TENM2: variants seen among roughly 807,000 people sequenced by gnomAD.
TENM2 encodes teneurin transmembrane protein 2.
Under a neutral mutation model 245.2 loss-of-function variants are expected in TENM2, and 52 were observed. The ratio of observed to expected loss-of-function variants is 0.21; its 90% confidence interval spans 0.17 to 0.27. The LOEUF is 0.27. Ranked by LOEUF, TENM2 falls within the 10% of genes least tolerant of loss-of-function variation. TENM2 has a pLI of 1.00. For missense variants in TENM2, 3,046 were observed against 3,666.8 expected (o/e 0.83, Z 4.37); for synonymous variants, 1,363 against 1,438.9 (o/e 0.95, Z 1.19).
intron 19 of TENM2, among the ~76,000 whole-genome samples, chr5:168,207,907 T>G (rs1762492030): frequency 6.6e-6 from 1 of 152,234 alleles, no homozygotes; most frequent in Non-Finnish European, 1.5e-5. Context: ...GAGCCTTCTC[T>G]TAGGTAAAAT....
intron 19 of TENM2, among the ~76,000 whole-genome samples, chr5:168,210,154 G>A (rs1257564953): frequency 1.3e-5 from 2 of 152,212 alleles, no homozygotes; most frequent in African/African-American, 4.8e-5. Context: ...TGTTATTCTG[G>A]TTTGTTGCCT....
chr5:168,199,250 G>A (rs1761728253), intron 16 of TENM2, 136 bp downstream of exon 18: 3 of 945,310 alleles, frequency 3.2e-6, no homozygotes, highest in East Asian at 2.7e-5. Flanking sequence ...AAAATTTATA[G>A]CCACCAGAGA....
intron 3 of TENM2, among the ~76,000 whole-genome samples, chr5:167,925,048 A>G (rs1777646999): frequency 6.6e-6 from 1 of 152,160 alleles, no homozygotes; most frequent in African/African-American, 2.4e-5. Flanking sequence ...ATAAAAATAT[A>G]TGTTCAACTG....
intron 3 of TENM2, among the ~76,000 whole-genome samples, chr5:167,918,774 CT>C (rs36028538): frequency 0.01 from 1,465 of 140,938 alleles, 10 homozygotes; most frequent in African/African-American, 0.024. Flanking sequence ...TATTTTTCTC[CT>C]TTTTTTTTTT....
chr5:167,483,723 C>G (rs1174630610), intron 2 of TENM2, among the ~76,000 whole-genome samples: 1 of 152,124 alleles, frequency 6.6e-6, no homozygotes, highest in African/African-American at 2.4e-5. Context: ...AATCTTTATT[C>G]TCTCTGGAAT....
chr5:167,975,405 C>T (rs372024250), intron 4 of TENM2, among the ~76,000 whole-genome samples: 7 of 151,196 alleles, frequency 4.6e-5, no homozygotes, highest in South Asian at 4.2e-4. Flanking sequence ...AGTGCCATGG[C>T]GATATTTATG....
chr5:167,397,801 G>A (rs569254065), intron 2 of TENM2, among the ~76,000 whole-genome samples: 3 of 152,142 alleles, frequency 2.0e-5, no homozygotes, highest in Non-Finnish European at 4.4e-5. Context: ...TCTGAAATTC[G>A]CATCAAGAAA....
intron 2 of TENM2, among the ~76,000 whole-genome samples, chr5:167,701,483 T>C (rs1013710530): frequency 5.3e-5 from 8 of 152,118 alleles, no homozygotes; most frequent in Non-Finnish European, 1.2e-4. Context: ...GTATACCTTC[T>C]CACGTTCCAG....
chr5:167,947,509 C>T (rs1318856829), intron 3 of TENM2, among the ~76,000 whole-genome samples: 1 of 152,180 alleles, frequency 6.6e-6, no homozygotes, highest in Non-Finnish European at 1.5e-5. Context: ...CTAGCCTGAA[C>T]ATCTGCAACA....
chr5:168,122,806 A>T (rs1005406255), intron 10 of TENM2, among the ~76,000 whole-genome samples: 1 of 152,078 alleles, frequency 6.6e-6, no homozygotes, highest in Non-Finnish European at 1.5e-5. Context: ...TCCAAATGGG[A>T]TCGTGAGAAA....
intron 2 of TENM2, among the ~76,000 whole-genome samples, chr5:167,736,392 T>G (rs1238459977): frequency 6.6e-6 from 1 of 152,138 alleles, no homozygotes; most frequent in African/African-American, 2.4e-5. Context: ...GAGATATCTA[T>G]CTAGAATTTC....
chr5:167,698,691 T>TTTTTTTTTTTTTG (rs1757944986), intron 2 of TENM2, among the ~76,000 whole-genome samples: 1 of 146,240 alleles, frequency 6.8e-6, no homozygotes, highest in African/African-American at 2.6e-5. Context: ...TTTTTTTTTT[T>TTTTTTTTTTTTTG]TTTTTTTTTT....
chr5:167,523,162 T>C (rs907488561), intron 2 of TENM2, among the ~76,000 whole-genome samples: 2 of 152,182 alleles, frequency 1.3e-5, no homozygotes, highest in African/African-American at 4.8e-5. Context: ...GTTCTTCCTC[T>C]CAAGATTATA....
chr5:168,026,857 A>T (rs918649526), intron 5 of TENM2, among the ~76,000 whole-genome samples: 2 of 152,102 alleles, frequency 1.3e-5, no homozygotes, highest in Non-Finnish European at 2.9e-5. Flanking sequence ...AACCAAACAA[A>T]CCTAGGTTTT....
chr5:167,148,244 G>A, the TENM2 span, among the ~76,000 whole-genome samples: 1 of 152,168 alleles, frequency 6.6e-6, no homozygotes, highest in African/African-American at 2.4e-5. Flanking sequence ...GTATGAAAGA[G>A]CAATTAATGT....
At chr5:167,457,528 G>A (rs1387197805) in intron 2 of TENM2, among the ~76,000 whole-genome samples, 1 of 151,834 alleles carries the variant, frequency 6.6e-6, no homozygotes, top group Non-Finnish European at 1.5e-5. Context: ...TGTATTTTTA[G>A]TAGAGATGGG....
At chr5:167,919,588 C>T (rs1777198633) in intron 3 of TENM2, among the ~76,000 whole-genome samples, 1 of 152,084 alleles carries the variant, frequency 6.6e-6, no homozygotes, top group African/African-American at 2.4e-5. Flanking sequence ...GAACGGGAGG[C>T]GAAGAGGTAA....
chr5:167,523,873 C>T (rs1770931462), intron 2 of TENM2, among the ~76,000 whole-genome samples: 1 of 152,064 alleles, frequency 6.6e-6, no homozygotes, highest in Non-Finnish European at 1.5e-5. Context: ...GAAATATTGC[C>T]TATGTTTCTG....
chr5:167,221,283 TG>T, the TENM2 span, among the ~76,000 whole-genome samples: 1 of 152,156 alleles, frequency 6.6e-6, no homozygotes, highest in South Asian at 2.1e-4. Context: ...GGTAAGCATG[TG>T]GTGAATAAGC....
Sources: gnomAD v4.1 joint callset for allele counts (sites outside exome capture counted in the v4.1 genomes callset) on GRCh38, gnomAD v4.1.1 for gene constraint, MANE v1.5 for transcripts, NCBI Gene and HGNC (gene_info 2026-07-23, HGNC 2026-07-21) for gene names.